The following LRRC42 variants were observed in gnomAD, a reference collection of about 807,000 sequenced individuals.
The protein encoded by LRRC42 is leucine-rich repeat-containing protein 42.
Under a neutral mutation model 44.3 loss-of-function variants are expected in LRRC42, and 43 were observed. The observed-to-expected ratio is 0.97, with a 90% confidence interval of 0.76 to 1.25. The LOEUF (loss-of-function observed/expected upper bound fraction) is 1.25. LRRC42 is among the 50% of genes most tolerant of loss of function. LRRC42 has a pLI of 0.00. For missense variants in LRRC42, 540 were observed against 509.1 expected, an observed-to-expected ratio of 1.06 and a Z score of -0.58; for synonymous variants, 207 against 195.2, an observed-to-expected ratio of 1.06 and a Z score of -0.50.
rs1357239996 is a variant in LRRC42 at position 53,957,860 on chromosome 1, AT to A, written c.474-288del. ...CAACACCAATGCCAAGGTCTGCCTG[AT>A]AACAAAGCAGGTGTTTCACTTGTGA... On this transcript the variant is annotated intron_variant, in intron 3 of 8. Transcript: ENST00000371370. 5.3e-5 allele frequency among the ~76,000 whole-genome samples: 8 copies of A among 152,236 alleles called. No homozygotes were observed. The South Asian group carries it at 8.3e-4, about 16-fold the overall frequency.
At chr1:53,963,953 C>CG (rs970180474) in intron 7 of LRRC42, among the ~76,000 whole-genome samples, 3 of 120,240 alleles carry the variant, frequency 2.5e-5, no homozygotes, top group Non-Finnish European at 5.1e-5. Context: ...GCCCACCCCC[C>CG]CCCCATCTTC....
At chr1:53,963,585 C>G (rs1214973701) in intron 7 of LRRC42, among the ~76,000 whole-genome samples, 1 of 152,236 alleles carries the variant, frequency 6.6e-6, no homozygotes, top group African/African-American at 2.4e-5. Context: ...CACCTAGCAG[C>G]CTGGCCTGAG....
rs140495032 is a variant in LRRC42 at position 53,967,613 on chromosome 1, G to T, written c.1013-52G>T. On this transcript the variant is annotated intron_variant, in intron 8 of 8. Transcript: ENST00000371370. The stretch of plus-strand genomic sequence containing the variant: ...CTGGGTTTATCCTAGACTGATGAGG[G>T]AATTAGCATATGCCAGTGTAGTGAA... 9.7e-6 allele frequency: 15 copies of T among 1,541,684 alleles called. No individual in the cohort carries two copies. The African/African-American group carries it at 1.2e-4, about 13-fold the overall frequency.
rs369877031 is a variant in LRRC42 at position 53,949,217 on chromosome 1, C to T, written c.-15+1396C>T. Among the ~76,000 whole-genome samples, 3 of 152,128 alleles carry T rather than the reference C, an allele frequency of 2.0e-5. No homozygotes were observed. The East Asian group carries it at 5.8e-4, about 29-fold the overall frequency. On this transcript the variant is annotated intron_variant, in intron 2 of 8. Coordinates refer to ENST00000371370, the MANE Select transcript of LRRC42 (RefSeq NM_001256409.2). ...ACTCTAGCCCCAAGCTGCTTGTGCC[C>T]TCTGCTGGATGGAATCAGACTTCTA...
chr1:53,951,623 C>T (rs1654682598), intron 2 of LRRC42, among the ~76,000 whole-genome samples: 1 of 152,178 alleles, frequency 6.6e-6, no homozygotes, highest in South Asian at 2.1e-4. Flanking sequence ...TGGGGTTTCA[C>T]CATGTTGGCC....
At chr1:53,949,930 T>C (rs1446145331) in intron 2 of LRRC42, among the ~76,000 whole-genome samples, 1 of 152,198 alleles carries the variant, frequency 6.6e-6, no homozygotes, top group Non-Finnish European at 1.5e-5. Flanking sequence ...TCCTTTGAGG[T>C]CTTACCCTTC....
chr1:53,946,580 CGGGGCCCCGGGTTGCGTGT>C (rs1416545046), intron 1 of LRRC42, 31 bp downstream of exon 1: 1 of 134,802 alleles, frequency 7.4e-6, no homozygotes, highest in Non-Finnish European at 1.6e-5. Context: ...GGGCCGCTCG[CGGGGCCCCGGGTTGCGTGT>C]GGGAGCGGGG....
chr1:53,958,212 T>C lies in LRRC42; in HGVS notation c.537T>C (p.Asp179=). 1 of 1,613,936 alleles carries C rather than the reference T, an allele frequency of 6.2e-7. No homozygotes were observed. Among genetic ancestry groups the C allele is most frequent in the South Asian group, 1.1e-5 (1 of 91,070 alleles). ...IKSFRELTCL[D]LSCCKLGDEH... ...CTTTCCGGGAGCTGACCTGCCTGGA[T>C]CTTTCCTGTTGCAAGCTTGGAGATG... Residue 179 remains aspartate, a synonymous_variant, in exon 4 of 9, where the codon GAT becomes GAC. Transcript: ENST00000371370.
intron 4 of LRRC42, among the ~76,000 whole-genome samples, chr1:53,960,011 C>A (rs1654951959): frequency 6.6e-6 from 1 of 150,636 alleles, no homozygotes; most frequent in Admixed American, 6.6e-5. Context: ...GCTTTGAAAT[C>A]CTTGGTTGAA....
intron 4 of LRRC42, among the ~76,000 whole-genome samples, chr1:53,959,818 C>G (rs1165244922): frequency 6.6e-6 from 1 of 152,114 alleles, no homozygotes; most frequent in Non-Finnish European, 1.5e-5. Flanking sequence ...GTCCATTTAC[C>G]TCATTCAACA....
At position 53,967,904 on chromosome 1, in the gene LRRC42, G is replaced by C; in HGVS notation, c.1252G>C (p.Ala418Pro). The C allele has an allele frequency of 1.9e-6, 3 of 1,614,136 alleles. No homozygotes were observed. Among genetic ancestry groups the C allele is most frequent in the Non-Finnish European group, 2.5e-6 (3 of 1,180,002 alleles). ...TTCAAAGCAGAAATATGTATGTCTTGCTGTGGAAGACTGGGACTTGTTAAA... is the reference window on the plus strand; with the variant it reads ...TTCAAAGCAGAAATATGTATGTCTTCCTGTGGAAGACTGGGACTTGTTAAA... ...QPSKQKYVCL[A>P]VEDWDLLNSY Residue 418 changes from alanine (A) to proline (P), a missense_variant, in exon 9 of 9, where the codon GCT becomes CCT. Ala to Pro is a conservative substitution (Grantham distance 27). Transcript: ENST00000371370.
Position 53,952,330 on chromosome 1 carries a change from C to A in LRRC42, c.331C>A (p.Pro111Thr), listed in dbSNP as rs1363975668. 1 of 1,614,072 alleles carries A rather than the reference C, an allele frequency of 6.2e-7. No individual in the cohort carries two copies. The highest frequency in any genetic ancestry group is 1.3e-5 in the African/African-American group (1 of 74,936). Residue 111 changes from proline (P) to threonine (T), a missense_variant, in exon 3 of 9, where the codon CCT becomes ACT. Pro to Thr is a conservative substitution (Grantham distance 38). Coordinates refer to ENST00000371370, the MANE Select transcript of LRRC42 (RefSeq NM_001256409.2). ...VDHIDSLIGF[P>T]EQIAEKLFSA... ...TCACATTGATTCCCTTATTGGCTTT[C>A]CTGAGCAGATTGCTGAAAAGCTGTT...
intron 8 of LRRC42, 87 bp downstream of exon 8, chr1:53,966,467 A>C (rs139085003): frequency 2.3e-6 from 2 of 881,586 alleles, no homozygotes; most frequent in East Asian, 5.0e-5. Flanking sequence ...TGGAAAAATT[A>C]ATTATGATAG....
At chr1:53,961,497 T>C (rs938852736) in intron 5 of LRRC42, among the ~76,000 whole-genome samples, 3 of 152,180 alleles carry the variant, frequency 2.0e-5, no homozygotes, top group African/African-American at 7.2e-5. Flanking sequence ...ATCTACAATG[T>C]GCCAGGCACT....
chr1:53,959,790 A>G (rs1241128449), intron 4 of LRRC42, among the ~76,000 whole-genome samples: 2 of 152,090 alleles, frequency 1.3e-5, no homozygotes, highest in Non-Finnish European at 2.9e-5. Context: ...TTTAAAGTAT[A>G]TTTATCCCCT....
rs776977265 is a variant in LRRC42 at position 53,952,086 on chromosome 1, G to A, written c.87G>A (p.Leu29=). ...RENGQLHMVN[L]ALDGVRSSLQ... ...ATGGGCAGCTGCACATGGTCAATCT[G>A]GCTCTGGATGGTGTCAGGAGTAGCC... The change falls in exon 3 of 9, where the codon CTG becomes CTA. Residue 29 remains leucine, a synonymous_variant. Transcript: ENST00000371370. 6.2e-7 allele frequency: 1 copy of A among 1,614,194 alleles called. No homozygotes were observed.
intron 7 of LRRC42, among the ~76,000 whole-genome samples, chr1:53,964,944 C>T (rs1410477821): frequency 6.6e-6 from 1 of 151,956 alleles, no homozygotes; most frequent in Non-Finnish European, 1.5e-5. Flanking sequence ...CCTCGGCCAC[C>T]CAAAGTGCAA....
rs1654559657 is a variant in LRRC42 at position 53,947,803 on chromosome 1, T to C, written c.-33T>C. 6.6e-6 allele frequency: 1 copy of C among 152,080 alleles called. No individual in the cohort carries two copies. Among genetic ancestry groups the C allele is most frequent in the South Asian group, 2.1e-4 (1 of 4,822 alleles). 9.4% of individuals were successfully genotyped at this position (152,080 alleles called of 1,614,324 possible). On this transcript the variant is annotated 5_prime_UTR_variant, in exon 2 of 9. Transcript: ENST00000371370. The stretch of plus-strand genomic sequence containing the variant: ...CTCCCCCCAGGCTTCATCCAGTGAA[T>C]ACTAGAGGGATCGAACAGGTGGGTG...
intron 3 of LRRC42, among the ~76,000 whole-genome samples, chr1:53,953,978 C>T (rs573646312): frequency 4.6e-5 from 7 of 152,260 alleles, no homozygotes; most frequent in Admixed American, 2.0e-4. Flanking sequence ...GGTGATCCAC[C>T]GGCCTCAGCC....
Sources: allele counts gnomAD v4.1 joint callset (sites outside exome capture counted in the v4.1 genomes callset), GRCh38; gene constraint gnomAD v4.1.1; transcripts MANE v1.5; gene names NCBI Gene and HGNC (gene_info 2026-07-23, HGNC 2026-07-21).